The following KCNAB1 variants were observed in gnomAD, a reference collection of about 807,000 sequenced individuals.
KCNAB1 encodes potassium voltage-gated channel subfamily A regulatory beta subunit 1, also known as voltage-gated potassium channel subunit beta-1.
KCNAB1 carries 35 observed loss-of-function variants against 64.6 expected under a neutral mutation model. The ratio of observed to expected loss-of-function variants is 0.54; its 90% CI spans 0.41 to 0.72. KCNAB1 has a LOEUF of 0.72. KCNAB1 is among the 30% of genes least tolerant of loss of function. The pLI is 0.00. For synonymous variants in KCNAB1, 177 were observed against 183.8 expected, an observed-to-expected ratio of 0.96 and a Z score of 0.30; for missense variants, 401 against 512.9, an observed-to-expected ratio of 0.78 and a Z score of 2.11.
At chr3:156,362,998 C>T (rs1327897311) in intron 1 of KCNAB1, among the ~76,000 whole-genome samples, 1 of 152,188 alleles carries the variant, frequency 6.6e-6, no homozygotes, top group Non-Finnish European at 1.5e-5. Context: ...CAGGATGCTG[C>T]CTCCAGAGCT....
At chr3:156,138,986 G>A (rs991918093) in intron 1 of KCNAB1, among the ~76,000 whole-genome samples, 1 of 152,180 alleles carries the variant, frequency 6.6e-6, no homozygotes, top group Non-Finnish European at 1.5e-5. Context: ...CCTGCACTCT[G>A]CTGACCATGT....
rs186356106 is a variant in KCNAB1, at chr3:156,192,184, C to T, written c.275+71298C>T. On this transcript the variant is annotated intron_variant, in intron 1 of 13. Coordinates refer to ENST00000490337, the MANE Select transcript of KCNAB1 (RefSeq NM_172160.3). Reference sequence around the variant, plus strand: ...TTTTGAGACTCATCCATGTTGTCGCCTGTAGCATGAGTTCATTCTTTTTAT... The same window carrying T: ...TTTTGAGACTCATCCATGTTGTCGCTTGTAGCATGAGTTCATTCTTTTTAT... Among the ~76,000 whole-genome samples, 363 of 152,240 alleles carry T rather than the reference C, an allele frequency of 2.4e-3. 2 individuals are homozygous for T. The highest frequency in any genetic ancestry group is 8.0e-3 in the African/African-American group (332 of 41,552).
chr3:156,257,403 A>G (rs1718157041), intron 1 of KCNAB1, among the ~76,000 whole-genome samples: 1 of 152,158 alleles, frequency 6.6e-6, no homozygotes, highest in African/African-American at 2.4e-5. Flanking sequence ...TCTCCTTTAA[A>G]AAGAGAATTT....
intron 2 of KCNAB1, among the ~76,000 whole-genome samples, chr3:156,429,715 C>A (rs1003535038): frequency 6.6e-6 from 1 of 152,158 alleles, no homozygotes; most frequent in Non-Finnish European, 1.5e-5. Context: ...CCGATATAAA[C>A]TAGCTAGCTC....
intron 7 of KCNAB1, 122 bp from the exon 8 acceptor site, chr3:156,474,612 C>A (rs111612746): frequency 1.2e-5 from 8 of 650,892 alleles, no homozygotes; most frequent in Non-Finnish European, 2.2e-5. Context: ...TTGTATTCAA[C>A]GCATTTTTGA....
At chr3:156,463,777 A>G (rs779675588) in intron 6 of KCNAB1, 31 bp downstream of exon 6, 1 of 1,549,870 alleles carries the variant, frequency 6.5e-7, no homozygotes, top group South Asian at 1.2e-5. Flanking sequence ...AACAGAAAAC[A>G]ACTAGTAGTT....
chr3:156,185,716 T>C (rs1713143242), intron 1 of KCNAB1, among the ~76,000 whole-genome samples: 1 of 152,140 alleles, frequency 6.6e-6, no homozygotes, highest in Non-Finnish European at 1.5e-5. Context: ...CAGCCCCAAC[T>C]TCCCATCCTC....
intron 1 of KCNAB1, among the ~76,000 whole-genome samples, chr3:156,410,205 T>G (rs1714549919): frequency 6.6e-6 from 1 of 152,232 alleles, no homozygotes; most frequent in Non-Finnish European, 1.5e-5. Flanking sequence ...CTTACTGCAT[T>G]TTTTATTTGT....
intron 1 of KCNAB1, among the ~76,000 whole-genome samples, chr3:156,207,593 A>G (rs1279849783): frequency 6.6e-6 from 1 of 152,236 alleles, no homozygotes; most frequent in Non-Finnish European, 1.5e-5. Context: ...CAGGAACAAT[A>G]CAAATCTAAT....
chr3:156,514,524 A>G, intron 9 of KCNAB1, 75 bp downstream of exon 9: 1 of 1,150,752 alleles, frequency 8.7e-7, no homozygotes, highest in Non-Finnish European at 1.3e-6. Flanking sequence ...ATAAATTGCA[A>G]GATCTTTTGC....
At chr3:156,172,861 G>A (rs1429143344) in intron 1 of KCNAB1, among the ~76,000 whole-genome samples, 1 of 152,196 alleles carries the variant, frequency 6.6e-6, no homozygotes, top group African/African-American at 2.4e-5. Flanking sequence ...GGCATCTAAT[G>A]CCTTTTAAGC....
intron 1 of KCNAB1, among the ~76,000 whole-genome samples, chr3:156,405,896 GT>G (rs1371353476): frequency 6.6e-6 from 1 of 151,994 alleles, no homozygotes; most frequent in Non-Finnish European, 1.5e-5. Context: ...CATTTCTGAA[GT>G]TTTCTTTTAG....
At chr3:156,391,252 T>G (rs953534482) in intron 1 of KCNAB1, among the ~76,000 whole-genome samples, 4 of 152,214 alleles carry the variant, frequency 2.6e-5, no homozygotes, top group African/African-American at 9.6e-5. Flanking sequence ...TACTTAACTT[T>G]AACCCTCTGA....
At chr3:156,441,193 T>TA (rs889522636) in intron 2 of KCNAB1, 64 of 152,324 alleles carry the variant, frequency 4.2e-4, no homozygotes, top group African/African-American at 1.5e-3. Context: ...TCGCAGATTC[T>TA]GACAGCTCTA....
At position 156,163,446 on chromosome 3, in the gene KCNAB1, C is replaced by A. The variant is rs554894621; in HGVS notation, c.275+42560C>A. Among the ~76,000 whole-genome samples the A allele has an allele frequency of 1.3e-3, 202 of 152,248 alleles. 1 individual carries two copies. The highest frequency in any genetic ancestry group is 4.7e-3 in the African/African-American group (194 of 41,548). On this transcript the variant is annotated intron_variant, in intron 1 of 13. Coordinates refer to ENST00000490337, the MANE Select transcript of KCNAB1 (RefSeq NM_172160.3). Reference sequence around the variant, plus strand: ...ACCTCTGGTTGTTACCCAATGTCAACCTCATGGTGAATGTGTAGGAGTTAT... The same window carrying A: ...ACCTCTGGTTGTTACCCAATGTCAAACTCATGGTGAATGTGTAGGAGTTAT...
chr3:156,427,242 G>C (rs556851790), intron 2 of KCNAB1, among the ~76,000 whole-genome samples: 1 of 152,168 alleles, frequency 6.6e-6, no homozygotes, highest in Admixed American at 6.5e-5. Flanking sequence ...GGTGACCAAA[G>C]AGCTTGTGAC....
At chr3:156,276,025 C>A (rs1019336470) in intron 1 of KCNAB1, among the ~76,000 whole-genome samples, 5 of 151,972 alleles carry the variant, frequency 3.3e-5, no homozygotes. Flanking sequence ...CTATGTATGG[C>A]AGCTGTAGCC....
intron 1 of KCNAB1, among the ~76,000 whole-genome samples, chr3:156,295,615 C>T (rs1247566322): frequency 1.3e-5 from 2 of 152,162 alleles, no homozygotes; most frequent in African/African-American, 4.8e-5. Flanking sequence ...TTCTGGCATT[C>T]CAAAGCTACT....
intron 1 of KCNAB1, among the ~76,000 whole-genome samples, chr3:156,224,174 C>T (rs1404469041): frequency 1.3e-5 from 2 of 152,258 alleles, no homozygotes; most frequent in South Asian, 4.1e-4. Flanking sequence ...GGTGCTAAGC[C>T]TCTCACTGCC....
Sources: allele counts gnomAD v4.1 joint callset (sites outside exome capture counted in the v4.1 genomes callset), GRCh38; gene constraint gnomAD v4.1.1; transcripts MANE v1.5; gene names NCBI Gene and HGNC (gene_info 2026-07-23, HGNC 2026-07-21).